The following TDRD5 variants were observed in gnomAD, a reference collection of about 807,000 sequenced individuals.
TDRD5 encodes tudor domain containing 5.
In TDRD5, 41 loss-of-function variants were observed where a neutral mutation model predicts 120.6. The observed-to-expected ratio is 0.34, with a 90% CI of 0.26 to 0.44. The LOEUF is 0.44. TDRD5 is among the 20% of genes least tolerant of loss of function. The pLI, the probability that TDRD5 is intolerant of heterozygous loss-of-function variation, is 1.00. For synonymous variants in TDRD5, 430 were observed against 433.7 expected (o/e 0.99, Z 0.11); for missense variants, 1,006 against 1,221.2 (o/e 0.82, Z 2.63).
intron 17 of TDRD5, among the ~76,000 whole-genome samples, chr1:179,676,845 A>G (rs372534711): frequency 1.6e-4 from 25 of 152,204 alleles, no homozygotes; most frequent in African/African-American, 5.5e-4. Flanking sequence ...TCTTTTTGCA[A>G]TGAATTTCCC....
intron 9 of TDRD5, among the ~76,000 whole-genome samples, chr1:179,636,572 T>C (rs1270851451): frequency 2.6e-5 from 4 of 152,262 alleles, no homozygotes; most frequent in Admixed American, 2.6e-4. Context: ...GGATTCAAAC[T>C]ATCCCTGAAT....
intron 9 of TDRD5, among the ~76,000 whole-genome samples, 159 bp from the exon 10 acceptor site, chr1:179,639,680 A>C (rs1482036935): frequency 6.6e-6 from 1 of 152,248 alleles, no homozygotes; most frequent in Non-Finnish European, 1.5e-5. Flanking sequence ...TTCAGATAAG[A>C]GAAAACAATT....
chr1:179,620,836 T>G (rs2101971625), intron 5 of TDRD5, among the ~76,000 whole-genome samples, 199 bp from the exon 6 acceptor site: 1 of 152,238 alleles, frequency 6.6e-6, no homozygotes, highest in Non-Finnish European at 1.5e-5. Context: ...ACTCTGGAAA[T>G]GTTGGAAATC....
intron 16 of TDRD5, among the ~76,000 whole-genome samples, chr1:179,668,380 A>G (rs1679662949): frequency 6.6e-6 from 1 of 152,230 alleles, no homozygotes; most frequent in South Asian, 2.1e-4. Flanking sequence ...GGTAGAGCAC[A>G]GAGAACATAG....
At chr1:179,648,479 G>A (rs1298755598) in intron 11 of TDRD5, among the ~76,000 whole-genome samples, 15 of 134,736 alleles carry the variant, frequency 1.1e-4, no homozygotes, top group African/African-American at 3.8e-4. Flanking sequence ...AGCATTGGGA[G>A]ATATACCTAA....
At position 179,592,709 on chromosome 1, in the gene TDRD5, G is replaced by C; in HGVS notation, c.94G>C (p.Glu32Gln). The C allele has an allele frequency of 6.2e-7, 1 of 1,614,102 alleles. No homozygotes were observed. Among genetic ancestry groups the C allele is most frequent in the Non-Finnish European group, 8.5e-7 (1 of 1,180,012 alleles). The change falls in exon 2 of 18, where the codon GAG (glutamate) becomes CAG (glutamine). Residue 32 changes from glutamate (E) to glutamine (Q), a missense_variant. Physicochemically the swap from Glu to Gln is conservative, Grantham distance 29. Around this residue, in one of 3 missense-constraint regions of TDRD5, gnomAD observed 445 missense variants for 515.5 expected, o/e 0.86. Transcript: ENST00000444136. ...TKDGLSPQEL[E>Q]KEYLLMVGNH... ...AGATGGTTTGAGCCCACAGGAGTTG[G>C]AGAAGGAGTACCTTTTGATGGTTGG... is the stretch of plus-strand genomic sequence containing the variant.
intron 5 of TDRD5, among the ~76,000 whole-genome samples, chr1:179,619,813 G>T (rs944681451): frequency 3.3e-5 from 5 of 152,022 alleles, no homozygotes; most frequent in African/African-American, 1.2e-4. Flanking sequence ...TAGAGACAGG[G>T]TCTTGCTCTG....
At chr1:179,631,851 A>AT (rs745777571) in intron 7 of TDRD5, among the ~76,000 whole-genome samples, 41,890 of 74,522 alleles carry the variant, frequency 0.56, 12,025 homozygotes, top group East Asian at 0.74. Flanking sequence ...AGGGCACTTG[A>AT]TTTTTTTTTT....
At chr1:179,648,581 A>T (rs1417129861) in intron 11 of TDRD5, among the ~76,000 whole-genome samples, 1 of 150,694 alleles carries the variant, frequency 6.6e-6, no homozygotes, top group African/African-American at 2.4e-5. Context: ...GTACCCTAAA[A>T]CTTAAAGTAT....
At chr1:179,686,053 G>A (rs866535529) in intron 17 of TDRD5, among the ~76,000 whole-genome samples, 4 of 152,038 alleles carry the variant, frequency 2.6e-5, no homozygotes. Flanking sequence ...CTGCCTGATT[G>A]CCCTGGCCAG....
At chr1:179,624,562 T>C (rs536664744) in intron 6 of TDRD5, among the ~76,000 whole-genome samples, 1 of 152,318 alleles carries the variant, frequency 6.6e-6, no homozygotes, top group African/African-American at 2.4e-5. Context: ...ACTTATTAGG[T>C]CAAAATACAA....
Position 179,691,099 on chromosome 1 carries a change from C to G in TDRD5, c.*156C>G, listed in dbSNP as rs576944497. On this transcript the variant is annotated 3_prime_UTR_variant, in exon 18 of 18. Transcript: ENST00000444136. ...ATGTTAGCTTTATTATGCTAACAGTCTACTTTGATGTGTAAGTAAGTATTG... is the reference window on the plus strand; with the variant it reads ...ATGTTAGCTTTATTATGCTAACAGTGTACTTTGATGTGTAAGTAAGTATTG... The G allele has an allele frequency of 1.1e-6, 1 of 941,052 alleles. No homozygotes were observed. Among genetic ancestry groups the G allele is most frequent in the East Asian group, 2.8e-5 (1 of 36,200 alleles). The allele number at this position is 941,052 out of a possible 1,614,324, so 58.3% of individuals were successfully genotyped here.
intron 17 of TDRD5, among the ~76,000 whole-genome samples, chr1:179,672,278 TA>T (rs200460408): frequency 0.015 from 2,265 of 152,218 alleles, 64 homozygotes; most frequent in African/African-American, 0.051. Context: ...CAACATCTAT[TA>T]TTTTTTTATT....
Position 179,690,713 on chromosome 1 carries a change from A to T in TDRD5, c.2878A>T (p.Ile960Phe). 1 of 1,613,952 alleles carries T rather than the reference A, an allele frequency of 6.2e-7. No individual in the cohort carries two copies. Among genetic ancestry groups the T allele is most frequent in the Middle Eastern group, 1.7e-4 (1 of 6,058 alleles). ...TTTTCCAGTGGAAAGCTCACCAGAGATCCTAAAGAATGAAGATTTTTCTAG... is the reference window on the plus strand; with the variant it reads ...TTTTCCAGTGGAAAGCTCACCAGAGTTCCTAAAGAATGAAGATTTTTCTAG... ...PSGSVESSPE[I>F]LKNEDFSSSR... The change falls in exon 18 of 18, where the codon ATC (isoleucine) becomes TTC (phenylalanine). Residue 960 changes from isoleucine to phenylalanine, a missense_variant. Coordinates refer to ENST00000444136, the MANE Select transcript of TDRD5 (RefSeq NM_001199085.3).
chr1:179,657,129 G>T (rs1679047700), intron 14 of TDRD5, among the ~76,000 whole-genome samples: 1 of 152,130 alleles, frequency 6.6e-6, no homozygotes, highest in South Asian at 2.1e-4. Flanking sequence ...TTAATATTTT[G>T]GTTCCTTTTT....
intron 11 of TDRD5, among the ~76,000 whole-genome samples, chr1:179,648,779 A>C (rs1678549394): frequency 9.1e-6 from 1 of 110,020 alleles, no homozygotes; most frequent in Non-Finnish European, 2.4e-5. Context: ...ATTAAATACT[A>C]AAAAACAATA....
At chr1:179,600,587 C>T (rs6689426) in intron 4 of TDRD5, among the ~76,000 whole-genome samples, 43,285 of 151,964 alleles carry the variant, frequency 0.28, 7,006 homozygotes, top group Admixed American at 0.39. Flanking sequence ...TTTCAAAGAA[C>T]AAGTTTTTAG....
At chr1:179,677,541 A>T (rs908429531) in intron 17 of TDRD5, among the ~76,000 whole-genome samples, 1 of 152,116 alleles carries the variant, frequency 6.6e-6, no homozygotes, top group African/African-American at 2.4e-5. Flanking sequence ...GTCCCACGGG[A>T]TGCTCCCTTG....
At chr1:179,622,223 G>T (rs2101975300) in intron 6 of TDRD5, among the ~76,000 whole-genome samples, 1 of 152,222 alleles carries the variant, frequency 6.6e-6, no homozygotes, top group Admixed American at 6.5e-5. Flanking sequence ...GTTCTTTTAA[G>T]GCTAAAAGAA....
Sources: gnomAD v4.1 joint callset for allele counts (sites outside exome capture counted in the v4.1 genomes callset) on GRCh38, gnomAD v4.1.1 for gene constraint, gnomAD v4.1.1 regional missense constraint, MANE v1.5 for transcripts, NCBI Gene and HGNC (gene_info 2026-07-23, HGNC 2026-07-21) for gene names.